The following C8orf34 variants were observed in gnomAD, a reference collection of about 807,000 sequenced individuals.
The protein encoded by C8orf34 is uncharacterized protein C8orf34.
A neutral mutation model predicts 68.3 loss-of-function variants in C8orf34; 65 were observed. The ratio of observed to expected loss-of-function variants is 0.95; its 90% CI spans 0.78 to 1.17. C8orf34 has a LOEUF of 1.17. Among genes scored for constraint, C8orf34 ranks in the 50% most tolerant of loss-of-function variants. C8orf34 has a pLI of 0.00. For synonymous variants in C8orf34, 244 were observed against 241.2 expected (o/e 1.01, Z -0.11); for missense variants, 664 against 655.4 (o/e 1.01, Z -0.14).
chr8:68,484,799 TAAG>T lies in C8orf34; in HGVS notation c.737-3220_737-3218del, dbSNP rs1813005596. On this transcript the variant is annotated intron_variant, in intron 4 of 13. Transcript: ENST00000518698. ...GTATAAGCTTTGATTAAAAATGAAA[TAAG>T]AAGTTAAAAAAAATGCCCTAGGCAA... is the stretch of plus-strand genomic sequence containing the variant. 3.3e-5 allele frequency among the ~76,000 whole-genome samples: 3 copies of T among 91,702 alleles called. No homozygotes were observed. In the East Asian group the frequency reaches 2.3e-3, roughly 71 times the overall value. The allele number at this position is 91,702 out of a possible 152,430, so 60.2% of individuals were successfully genotyped here.
rs139715497 is a variant in C8orf34, at chr8:68,709,037, C to T, written c.1285C>T (p.Pro429Ser). The T allele has an allele frequency of 1.9e-6, 3 of 1,610,654 alleles. No homozygotes were observed. The highest frequency in any genetic ancestry group is 2.5e-6 in the Non-Finnish European group (3 of 1,179,060). ...NLEERTEESL[P>S]ILHSPDEKIP... is the part of the protein sequence containing the mutation. The stretch of plus-strand genomic sequence containing the variant: ...GGAAGAAAGGACAGAAGAGTCACTA[C>T]CAATACTCCATTCTCCAGATGAAAA... Residue 429 changes from proline (P) to serine (S), a missense_variant, in exon 9 of 14, where the codon CCA becomes TCA. Transcript: ENST00000518698.
intron 1 of C8orf34, among the ~76,000 whole-genome samples, chr8:68,343,835 G>A (rs758463589): frequency 2.0e-5 from 3 of 151,788 alleles, no homozygotes; most frequent in South Asian, 2.1e-4. Context: ...CTCATGATCC[G>A]CCTGCCTTGG....
chr8:68,380,452 TA>T (rs534016755), intron 1 of C8orf34, among the ~76,000 whole-genome samples: 304 of 152,348 alleles, frequency 2.0e-3, no homozygotes, highest in African/African-American at 6.8e-3. Context: ...TTGTCATTTT[TA>T]AAAAAGATAT....
intron 8 of C8orf34, among the ~76,000 whole-genome samples, chr8:68,649,175 G>A (rs1158791215): frequency 2.0e-5 from 3 of 152,128 alleles, no homozygotes; most frequent in Non-Finnish European, 4.4e-5. Flanking sequence ...TGACCTCCCA[G>A]GCCTAGAGGT....
At chr8:68,545,822 A>C (rs1253545950) in intron 7 of C8orf34, among the ~76,000 whole-genome samples, 1 of 152,144 alleles carries the variant, frequency 6.6e-6, no homozygotes, top group Non-Finnish European at 1.5e-5. Flanking sequence ...ATGTAAGACT[A>C]TCTTACTTTT....
chr8:68,433,206 G>C (rs1267495966), intron 1 of C8orf34, among the ~76,000 whole-genome samples: 5 of 152,128 alleles, frequency 3.3e-5, no homozygotes, highest in Admixed American at 3.3e-4. Flanking sequence ...GATAAAAACA[G>C]AAAATTGAAA....
intron 8 of C8orf34, among the ~76,000 whole-genome samples, chr8:68,670,357 A>T (rs1202606413): frequency 2.6e-5 from 4 of 152,226 alleles, no homozygotes; most frequent in African/African-American, 7.2e-5. Context: ...GAATTATCTT[A>T]AATCCCTTCC....
At chr8:68,535,630 G>A (rs947937579) in intron 7 of C8orf34, 2 of 674,740 alleles carry the variant, frequency 3.0e-6, no homozygotes, top group South Asian at 6.7e-5. Flanking sequence ...ATTATTCACA[G>A]TTGTTTAATT....
chr8:68,801,581 C>T (rs1282489144), intron 12 of C8orf34, among the ~76,000 whole-genome samples: 2 of 152,182 alleles, frequency 1.3e-5, no homozygotes, highest in African/African-American at 2.4e-5. Flanking sequence ...TACTGTCATA[C>T]TGCATTTAAA....
chr8:68,687,225 C>T (rs1372215679), intron 8 of C8orf34, among the ~76,000 whole-genome samples: 1 of 151,650 alleles, frequency 6.6e-6, no homozygotes, highest in Non-Finnish European at 1.5e-5. Context: ...AATTCCTATT[C>T]AAATATATTA....
intron 12 of C8orf34, among the ~76,000 whole-genome samples, chr8:68,805,644 C>T (rs1356574491): frequency 1.3e-5 from 2 of 152,004 alleles, no homozygotes; most frequent in Non-Finnish European, 2.9e-5. Context: ...ACATTGGTAC[C>T]CCAGCTTTTT....
intron 1 of C8orf34, among the ~76,000 whole-genome samples, chr8:68,406,618 T>C (rs1449057902): frequency 1.3e-5 from 2 of 151,896 alleles, no homozygotes; most frequent in Admixed American, 6.6e-5. Flanking sequence ...GCCCCAGCCT[T>C]TCAAGTAGCT....
At chr8:68,722,768 G>A (rs1821711612) in intron 10 of C8orf34, among the ~76,000 whole-genome samples, 1 of 151,844 alleles carries the variant, frequency 6.6e-6, no homozygotes, top group Admixed American at 6.6e-5. Context: ...ACACACAGTA[G>A]GCCCATAATA....
intron 7 of C8orf34, among the ~76,000 whole-genome samples, chr8:68,566,702 ATCT>A (rs149558608): frequency 0.19 from 28,870 of 152,094 alleles, 3,290 homozygotes; most frequent in African/African-American, 0.32. Flanking sequence ...GACTGCTTTG[ATCT>A]TCTTTCCAGG....
chr8:68,724,026 A>T (rs901538830), intron 10 of C8orf34, among the ~76,000 whole-genome samples: 5 of 152,168 alleles, frequency 3.3e-5, no homozygotes, highest in Admixed American at 6.5e-5. Context: ...TCTTTTTGGA[A>T]TTAAGTGGAA....
At chr8:68,752,397 G>C (rs367768321) in intron 10 of C8orf34, among the ~76,000 whole-genome samples, 1 of 152,132 alleles carries the variant, frequency 6.6e-6, no homozygotes, top group African/African-American at 2.4e-5. Flanking sequence ...CTACTGTGCT[G>C]GAACCAGGCG....
At chr8:68,645,898 C>T (rs575321124) in intron 8 of C8orf34, among the ~76,000 whole-genome samples, 1 of 152,082 alleles carries the variant, frequency 6.6e-6, no homozygotes, top group South Asian at 2.1e-4. Flanking sequence ...GGCGCTTTGG[C>T]ATGTTGGGTA....
intron 7 of C8orf34, among the ~76,000 whole-genome samples, chr8:68,635,865 A>C (rs1479756828): frequency 6.6e-6 from 1 of 152,184 alleles, no homozygotes; most frequent in Non-Finnish European, 1.5e-5. Context: ...CTCTATGACA[A>C]ACCTTTAGAT....
At chr8:68,516,589 T>C (rs7844740) in intron 5 of C8orf34, among the ~76,000 whole-genome samples, 3,067 of 152,052 alleles carry the variant, frequency 0.02, 111 homozygotes, top group African/African-American at 0.07. Flanking sequence ...CAGAAATTGG[T>C]AAGCTTTGAG....
Sources: allele counts gnomAD v4.1 joint callset (sites outside exome capture counted in the v4.1 genomes callset), GRCh38; gene constraint gnomAD v4.1.1; transcripts MANE v1.5; gene names NCBI Gene and HGNC (gene_info 2026-07-23, HGNC 2026-07-21).